Variants in RREB1 observed in about 807,000 individuals in gnomAD.
RREB1 encodes the protein ras-responsive element-binding protein 1.
RREB1 carries 27 observed loss-of-function variants against 117.8 expected under a neutral mutation model. The ratio of observed to expected loss-of-function variants is 0.23; its 90% CI spans 0.17 to 0.32. RREB1 has a LOEUF of 0.32. RREB1 is among the 10% of genes least tolerant of loss of function. The pLI is 1.00. For missense variants in RREB1, 2,577 were observed against 2,378.2 expected (o/e 1.08, Z -1.74); for synonymous variants, 1,298 against 1,026.7 (o/e 1.26, Z -5.05).
Position 7,229,143 on chromosome 6 carries a change from G to A in RREB1, c.1044G>A (p.Pro348=), listed in dbSNP as rs778755255. 79 of 1,608,812 alleles carry A rather than the reference G, an allele frequency of 4.9e-5. No homozygotes were observed. Among genetic ancestry groups the A allele is most frequent in the Admixed American group, 3.3e-5 (2 of 59,806 alleles). ...HVAADQGQEK[P]QATPLPGDAL... is the part of the protein sequence containing the mutation. ...CGGCAGACCAGGGTCAAGAAAAGCCGCAGGCCACGCCCCTGCCTGGTGACG... is the reference window on the plus strand; with the variant it reads ...CGGCAGACCAGGGTCAAGAAAAGCCACAGGCCACGCCCCTGCCTGGTGACG... The change falls in exon 10 of 13, where the codon CCG becomes CCA. Residue 348 remains proline, a synonymous_variant. Transcript: ENST00000379938. The surrounding 1 kb of genome is among the most constrained non-coding windows in gnomAD (Gnocchi z 4.5).
intron 2 of RREB1, among the ~76,000 whole-genome samples, chr6:7,179,407 T>C (rs968557520): frequency 6.6e-6 from 1 of 152,176 alleles, no homozygotes; most frequent in African/African-American, 2.4e-5. Context: ...TAGCCCTCTT[T>C]TCTAAATGTA....
chr6:7,147,340 G>T (rs186292258), intron 1 of RREB1, among the ~76,000 whole-genome samples: 8 of 152,338 alleles, frequency 5.3e-5, no homozygotes, highest in African/African-American at 1.9e-4. Flanking sequence ...TGCGCAGCAT[G>T]AGGCATTTGT....
intron 8 of RREB1, 31 bp downstream of exon 8, chr6:7,211,740 A>G (rs745427014): frequency 1.9e-6 from 3 of 1,611,484 alleles, no homozygotes; most frequent in South Asian, 2.2e-5. Context: ...GACCTTGTTC[A>G]TTCCTGTTTC....
chr6:7,235,282 C>T (rs1301736651), intron 10 of RREB1, among the ~76,000 whole-genome samples: 1 of 152,184 alleles, frequency 6.6e-6, no homozygotes, highest in African/African-American at 2.4e-5. Flanking sequence ...GATGGCCCCT[C>T]AGCCCACAGA....
At chr6:7,219,440 G>T (rs752683281) in intron 8 of RREB1, among the ~76,000 whole-genome samples, 1 of 152,150 alleles carries the variant, frequency 6.6e-6, no homozygotes, top group Non-Finnish European at 1.5e-5. Flanking sequence ...GGAGCTGGTT[G>T]GTCCCACCCC....
intron 1 of RREB1, among the ~76,000 whole-genome samples, chr6:7,162,966 C>T (rs1204245774): frequency 3.9e-5 from 6 of 152,120 alleles, no homozygotes; most frequent in Non-Finnish European, 8.8e-5. Context: ...CCTCCCACCT[C>T]AGCTTCCTGA....
intron 1 of RREB1, among the ~76,000 whole-genome samples, chr6:7,135,775 A>G (rs1762324550): frequency 6.6e-6 from 1 of 152,216 alleles, no homozygotes; most frequent in African/African-American, 2.4e-5. Flanking sequence ...AAGCTTTTAT[A>G]GCCCTTTCAA....
chr6:7,113,852 G>T (rs1475779083), intron 1 of RREB1, among the ~76,000 whole-genome samples: 1 of 152,154 alleles, frequency 6.6e-6, no homozygotes, highest in Non-Finnish European at 1.5e-5. Context: ...GTGATGACAT[G>T]TATCTTTTTA....
intron 1 of RREB1, among the ~76,000 whole-genome samples, chr6:7,109,948 C>T (rs1320281787): frequency 6.6e-6 from 1 of 152,076 alleles, no homozygotes; most frequent in Non-Finnish European, 1.5e-5. Context: ...AAAATTGAAC[C>T]CTCTTAGAGT....
Position 7,189,049 on chromosome 6 carries a change from G to A in RREB1, c.262-110G>A, listed in dbSNP as rs555470118. The A allele has an allele frequency of 8.6e-6, 9 of 1,049,686 alleles. No homozygotes were observed. The Admixed American group carries it at 1.5e-4, about 18-fold the overall frequency. The allele number at this position is 1,049,686 out of a possible 1,614,324, so 65.0% of individuals were successfully genotyped here. ...ATTTAAAATGAAAGAGAAACACATA[G>A]CCAAGAAAGTTGATTGGTTTTTTTA... On this transcript the variant is annotated intron_variant, in intron 5 of 12. Coordinates refer to ENST00000379938, the MANE Select transcript of RREB1 (RefSeq NM_001003699.4).
rs145092414 is a variant in RREB1, at chr6:7,124,706, A to G, written c.-285+16646A>G. 5.5e-3 allele frequency among the ~76,000 whole-genome samples: 841 copies of G among 152,340 alleles called. 3 individuals carry two copies. Among genetic ancestry groups the G allele is most frequent in the Non-Finnish European group, 8.4e-3 (573 of 68,038 alleles). On this transcript the variant is annotated intron_variant, in intron 1 of 12. Transcript: ENST00000379938. Reference sequence around the variant, plus strand: ...TGGCAGTAGAAGCAGCAGTCATAAGATCTAACATTTATTGAGCCTGTACTA... The same window carrying G: ...TGGCAGTAGAAGCAGCAGTCATAAGGTCTAACATTTATTGAGCCTGTACTA...
chr6:7,170,655 C>G (rs972927118), intron 1 of RREB1, among the ~76,000 whole-genome samples: 5 of 152,190 alleles, frequency 3.3e-5, no homozygotes, highest in Non-Finnish European at 7.3e-5. Context: ...TGTGTTTGTT[C>G]CTGAGGAAGC....
At position 7,113,142 on chromosome 6, in the gene RREB1, TGGG is replaced by T. The variant is rs1313590300; in HGVS notation, c.-285+5084_-285+5086del. 7.1e-4 allele frequency among the ~76,000 whole-genome samples: 36 copies of T among 50,460 alleles called. 1 individual carries two copies. The highest frequency in any genetic ancestry group is 3.8e-4 in the Non-Finnish European group (5 of 13,042). 33.1% of individuals were successfully genotyped at this position (50,460 alleles called of 152,430 possible). A position where few individuals can be genotyped will look rare whatever the true frequency, so the allele number is the denominator to read the frequency against. On this transcript the variant is annotated intron_variant, in intron 1 of 12. Coordinates refer to ENST00000379938, the MANE Select transcript of RREB1 (RefSeq NM_001003699.4). ...GAAAACCTCTGTGAAGTCCGGGGAC[TGGG>T]GACTGGGTCCTGACTGCTCCTGCAG...
chr6:7,249,026 A>C lies in RREB1; in HGVS notation c.*58A>C. On this transcript the variant is annotated 3_prime_UTR_variant, in exon 13 of 13. Transcript: ENST00000379938. ...CAGCAGAGCAAAGCGTCTATACTTCATGGGGTTTCCTCAGTGCCCTTTGGC... is the reference window on the plus strand; with the variant it reads ...CAGCAGAGCAAAGCGTCTATACTTCCTGGGGTTTCCTCAGTGCCCTTTGGC... 1 of 1,267,734 alleles carries C rather than the reference A, an allele frequency of 7.9e-7. No individual in the cohort carries two copies. Among genetic ancestry groups the C allele is most frequent in the Non-Finnish European group, 1.0e-6 (1 of 952,808 alleles). The allele number at this position is 1,267,734 out of a possible 1,614,324, so 78.5% of individuals were successfully genotyped here.
intron 1 of RREB1, among the ~76,000 whole-genome samples, chr6:7,141,480 C>A (rs1009594788): frequency 2.6e-4 from 39 of 152,168 alleles, no homozygotes; most frequent in African/African-American, 8.7e-4. Flanking sequence ...CCCGCCCCCC[C>A]GCCTTTTTTG....
At chr6:7,118,295 A>G (rs1581405055) in intron 1 of RREB1, among the ~76,000 whole-genome samples, 1 of 152,004 alleles carries the variant, frequency 6.6e-6, no homozygotes, top group South Asian at 2.1e-4. Flanking sequence ...TAATTTTTGT[A>G]TTTTTAGTAG....
At chr6:7,198,354 C>T (rs1049847450) in intron 6 of RREB1, among the ~76,000 whole-genome samples, 3 of 152,182 alleles carry the variant, frequency 2.0e-5, no homozygotes, top group East Asian at 1.9e-4. Flanking sequence ...CACCCTGCCC[C>T]GGACTGTGTG....
rs1561809159 is a variant in RREB1 at position 7,246,671 on chromosome 6, AGAG to A, written c.4224_4226del (p.Glu1408del). The A allele has an allele frequency of 7.0e-6, 11 of 1,581,660 alleles. No individual in the cohort carries two copies. Among genetic ancestry groups the A allele is most frequent in the Non-Finnish European group, 8.6e-6 (10 of 1,164,124 alleles). The stretch of plus-strand genomic sequence containing the variant: ...GCACTGGGGACGCCGACGGCGCGGA[AGAG>A]GACGCGTCGAGCAACCAGAGCCTGG... On this transcript the variant is annotated inframe_deletion, in exon 12 of 13. Coordinates refer to ENST00000379938, the MANE Select transcript of RREB1 (RefSeq NM_001003699.4).
At chr6:7,150,161 G>A (rs1405816553) in intron 1 of RREB1, among the ~76,000 whole-genome samples, 1 of 152,108 alleles carries the variant, frequency 6.6e-6, no homozygotes, top group African/African-American at 2.4e-5. Context: ...TCCCAGGGTT[G>A]AAAACTCCCC....
Sources: gnomAD v4.1 joint callset for allele counts (sites outside exome capture counted in the v4.1 genomes callset) on GRCh38, gnomAD v4.1.1 for gene constraint, Gnocchi (gnomAD v3.1) non-coding constraint, MANE v1.5 for transcripts, NCBI Gene and HGNC (gene_info 2026-07-23, HGNC 2026-07-21) for gene names.